MYO10: variants seen among roughly 807,000 people sequenced by gnomAD.
MYO10 encodes the protein unconventional myosin-X.
A neutral mutation model predicts 257.3 loss-of-function variants in MYO10; 133 were observed. The ratio of observed to expected loss-of-function variants is 0.52; its 90% CI spans 0.45 to 0.60. The LOEUF (loss-of-function observed/expected upper bound fraction) is 0.60, where lower values mean the gene tolerates loss of function less well. MYO10 is among the 20% of genes least tolerant of loss of function. The pLI, the probability that MYO10 is intolerant of heterozygous loss-of-function variation, is 0.00. For synonymous variants in MYO10, 1,104 were observed against 1,028.6 expected, an observed-to-expected ratio of 1.07 and a Z score of -1.40; for missense variants, 2,399 against 2,635.7, an observed-to-expected ratio of 0.91 and a Z score of 1.97.
chr5:16,719,904 T>C (rs1739070835), intron 19 of MYO10, among the ~76,000 whole-genome samples: 1 of 152,012 alleles, frequency 6.6e-6, no homozygotes, highest in Admixed American at 6.6e-5. Context: ...GCGGAGGTTG[T>C]AGTGGGCCGA....
At chr5:16,805,357 G>A (rs1742240708) in intron 3 of MYO10, among the ~76,000 whole-genome samples, 1 of 150,000 alleles carries the variant, frequency 6.7e-6, no homozygotes, top group Non-Finnish European at 1.5e-5. Flanking sequence ...AGCTACTCGG[G>A]AGGCTGAGGC....
chr5:16,903,811 C>A (rs949393608), intron 1 of MYO10, among the ~76,000 whole-genome samples: 1 of 152,128 alleles, frequency 6.6e-6, no homozygotes, highest in African/African-American at 2.4e-5. Context: ...ATAAGAAGTG[C>A]ACATAAAATA....
At chr5:16,743,744 C>T (rs1184080021) in intron 19 of MYO10, among the ~76,000 whole-genome samples, 3 of 152,122 alleles carry the variant, frequency 2.0e-5, no homozygotes, top group African/African-American at 7.2e-5. Context: ...ATGTTTGTTA[C>T]ATTATGAACT....
chr5:16,846,420 G>C (rs1325096240), intron 2 of MYO10, among the ~76,000 whole-genome samples: 1 of 152,136 alleles, frequency 6.6e-6, no homozygotes, highest in African/African-American at 2.4e-5. Flanking sequence ...CCACACCCAA[G>C]CATAAAGGCT....
chr5:16,671,691 T>TAA, intron 37 of MYO10, 149 bp from the exon 38 acceptor site: 1 of 1,017,746 alleles, frequency 9.8e-7, no homozygotes, highest in Non-Finnish European at 1.4e-6. Context: ...GATAGAGGAA[T>TAA]AAACAGAGTG....
chr5:16,681,817 C>A, intron 31 of MYO10, 54 bp downstream of exon 31: 1 of 1,569,752 alleles, frequency 6.4e-7, no homozygotes, highest in South Asian at 1.2e-5. Context: ...TGTCTATATG[C>A]AAATGGAAAG....
intron 1 of MYO10, among the ~76,000 whole-genome samples, chr5:16,899,134 C>CA (rs60168960): frequency 0.067 from 6,905 of 103,238 alleles, 545 homozygotes; most frequent in African/African-American, 0.21. Context: ...GACTCTGTCT[C>CA]AAAAAAAAAA....
chr5:16,822,919 C>A (rs564157224), intron 2 of MYO10, among the ~76,000 whole-genome samples: 7 of 151,700 alleles, frequency 4.6e-5, no homozygotes, highest in Admixed American at 2.0e-4. Flanking sequence ...GATCTCCTGA[C>A]CTCGTGATCC....
intron 35 of MYO10, 62 bp from the exon 36 acceptor site, chr5:16,673,951 T>C: frequency 6.7e-7 from 1 of 1,485,134 alleles, no homozygotes; most frequent in South Asian, 1.1e-5. Flanking sequence ...TGGGAGGAAC[T>C]AGGCTGTGCC....
chr5:16,936,142 CCCCT>C lies in MYO10; in HGVS notation c.-338_-335del, dbSNP rs924397722. The C allele has an allele frequency of 5.5e-6, 2 of 360,954 alleles. No individual in the cohort carries two copies. The highest frequency in any genetic ancestry group is 4.4e-5 in the African/African-American group (2 of 45,836). The allele number at this position is 360,954 out of a possible 1,614,324, so 22.4% of individuals were successfully genotyped here. ...GCGGCGGGGTGCTGGCGAGCGCGGC[CCCCT>C]CCCTCTGCGCTCCGGCCGGGGGCCC... On this transcript the variant is annotated 5_prime_UTR_variant, in exon 1 of 41. Transcript: ENST00000513610.
chr5:16,918,495 C>CTTTT (rs1422704020), intron 1 of MYO10, among the ~76,000 whole-genome samples: 1 of 87,260 alleles, frequency 1.1e-5, no homozygotes, highest in African/African-American at 4.4e-5. Flanking sequence ...AACTATTTTT[C>CTTTT]TTTTCTTTTT....
chr5:16,896,379 G>A (rs113963866), intron 1 of MYO10, among the ~76,000 whole-genome samples: 3 of 152,062 alleles, frequency 2.0e-5, no homozygotes, highest in African/African-American at 4.8e-5. Context: ...GTGGATCAAC[G>A]GAGGTCAGGA....
chr5:16,837,324 AC>A (rs1743345245), intron 2 of MYO10, among the ~76,000 whole-genome samples: 1 of 152,158 alleles, frequency 6.6e-6, no homozygotes, highest in Non-Finnish European at 1.5e-5. Flanking sequence ...AGAAAAAAAA[AC>A]ATACTGACGA....
At chr5:16,829,884 A>AAC (rs1294529350) in intron 2 of MYO10, among the ~76,000 whole-genome samples, 1 of 135,186 alleles carries the variant, frequency 7.4e-6, no homozygotes, top group Non-Finnish European at 1.6e-5. Flanking sequence ...AGGAACGGCT[A>AAC]ATACACACAC....
intron 9 of MYO10, among the ~76,000 whole-genome samples, chr5:16,777,668 C>G (rs1741259530): frequency 6.6e-6 from 1 of 151,946 alleles, no homozygotes; most frequent in Non-Finnish European, 1.5e-5. Flanking sequence ...TCACTAACTT[C>G]TCTGAGTCTT....
At chr5:16,823,743 ATTACAGGC>A (rs1742912210) in intron 2 of MYO10, among the ~76,000 whole-genome samples, 1 of 145,704 alleles carries the variant, frequency 6.9e-6, no homozygotes, top group Non-Finnish European at 1.5e-5. Context: ...AAATGTTGGG[ATTACAGGC>A]GTGAGCCACT....
At chr5:16,874,746 G>A (rs1168612891) in intron 2 of MYO10, among the ~76,000 whole-genome samples, 1 of 152,130 alleles carries the variant, frequency 6.6e-6, no homozygotes, top group Non-Finnish European at 1.5e-5. Flanking sequence ...CTTCTTCTGA[G>A]ACCTCCAAAC....
rs116119428 is a variant in MYO10 at position 16,678,248 on chromosome 5, T to C, written c.4542+1699A>G. Among the ~76,000 whole-genome samples the C allele has an allele frequency of 3.8e-3, 579 of 152,274 alleles. 4 individuals are homozygous for C. The highest frequency in any genetic ancestry group is 0.013 in the African/African-American group (545 of 41,562). ...TGTGTAGCCAGTGCCCTGGGTTGCA[T>C]GGAAAACAACCTGAATCTGGTTCCA... On this transcript the variant is annotated intron_variant, in intron 33 of 40. Transcript: ENST00000513610.
At chr5:16,860,638 G>T (rs1283408588) in intron 2 of MYO10, among the ~76,000 whole-genome samples, 1 of 152,130 alleles carries the variant, frequency 6.6e-6, no homozygotes, top group African/African-American at 2.4e-5. Context: ...TGTTCAACTT[G>T]AGAGGATGGG....
Sources: allele counts gnomAD v4.1 joint callset (sites outside exome capture counted in the v4.1 genomes callset), GRCh38; gene constraint gnomAD v4.1.1; transcripts MANE v1.5; gene names NCBI Gene and HGNC (gene_info 2026-07-23, HGNC 2026-07-21).